BCAS3: variants seen among roughly 807,000 people sequenced by gnomAD.
The protein encoded by BCAS3 is BCAS3 microtubule associated cell migration factor.
BCAS3 carries 53 observed loss-of-function variants against 116.1 expected under a neutral mutation model. That is an observed-to-expected ratio of 0.46 (90% CI 0.37 to 0.57). BCAS3 has a LOEUF of 0.57. Ranked by LOEUF, BCAS3 falls within the 20% of genes least tolerant of loss-of-function variation. The pLI is 0.00. For synonymous variants in BCAS3, 391 were observed against 408.2 expected (o/e 0.96, Z 0.51); for missense variants, 917 against 1,165.4 (o/e 0.79, Z 3.10).
intron 6 of BCAS3, among the ~76,000 whole-genome samples, chr17:60,758,873 A>G (rs186983742): frequency 6.6e-6 from 1 of 152,144 alleles, no homozygotes; most frequent in African/African-American, 2.4e-5. Context: ...TTCTTCATTG[A>G]CCCAGTGGTT....
chr17:60,766,266 C>T (rs2044084288), intron 6 of BCAS3, among the ~76,000 whole-genome samples: 2 of 152,150 alleles, frequency 1.3e-5, no homozygotes, highest in Non-Finnish European at 2.9e-5. Context: ...GGAGAAGAAG[C>T]GCTCTGGTTT....
intron 13 of BCAS3, among the ~76,000 whole-genome samples, chr17:60,940,393 G>A (rs1482280530): frequency 6.6e-6 from 1 of 152,208 alleles, no homozygotes; most frequent in African/African-American, 2.4e-5. Flanking sequence ...TTTGTAAGTA[G>A]CTTAAAAAAT....
At chr17:60,753,530 C>T (rs1341957253) in intron 6 of BCAS3, among the ~76,000 whole-genome samples, 1 of 151,906 alleles carries the variant, frequency 6.6e-6, no homozygotes, top group African/African-American at 2.4e-5. Context: ...CTGCCTCAAC[C>T]TCCCGAGTAG....
intron 5 of BCAS3, among the ~76,000 whole-genome samples, chr17:60,711,932 C>G (rs1020794304): frequency 6.6e-6 from 1 of 151,948 alleles, no homozygotes; most frequent in Non-Finnish European, 1.5e-5. Context: ...GAGGCCAAGG[C>G]AGGCAGATCA....
chr17:60,780,554 T>C (rs1412969949), intron 6 of BCAS3, among the ~76,000 whole-genome samples: 48 of 151,170 alleles, frequency 3.2e-4, no homozygotes, highest in Non-Finnish European at 6.6e-4. Context: ...CCACCTGCCT[T>C]AGCCCCCCAA....
chr17:60,854,729 A>G (rs970439666), intron 7 of BCAS3, among the ~76,000 whole-genome samples: 9 of 152,108 alleles, frequency 5.9e-5, no homozygotes, highest in African/African-American at 2.2e-4. Flanking sequence ...AAATAGGAAC[A>G]CTTTTACACT....
At chr17:60,733,727 G>T (rs1411001841) in intron 5 of BCAS3, among the ~76,000 whole-genome samples, 1 of 151,992 alleles carries the variant, frequency 6.6e-6, no homozygotes, top group East Asian at 1.9e-4. Context: ...TGTACCCGTG[G>T]TCCCAGCTAC....
At chr17:60,773,336 G>A (rs1274468022) in intron 6 of BCAS3, among the ~76,000 whole-genome samples, 1 of 145,694 alleles carries the variant, frequency 6.9e-6, no homozygotes, top group African/African-American at 2.6e-5. Flanking sequence ...CTGTCACCAG[G>A]GCTGAAATGC....
rs1173585079 is a variant in BCAS3 at position 61,041,393 on chromosome 17, C to G, written c.2029+501C>G. Among the ~76,000 whole-genome samples the G allele has an allele frequency of 6.6e-6, 1 of 152,098 alleles. No homozygotes were observed. Among genetic ancestry groups the G allele is most frequent in the Non-Finnish European group, 1.5e-5 (1 of 68,004 alleles). ...TTGTTTGTTTACTTATATGTTTAAG[C>G]GTGAGCATTTGTAGAGACTGAACCA... is the stretch of plus-strand genomic sequence containing the variant. On this transcript the variant is annotated intron_variant, in intron 19 of 23. Transcript: ENST00000407086. The surrounding 1 kb of genome is among the most constrained non-coding windows in gnomAD (Gnocchi z 4.7).
chr17:60,810,359 TG>T, intron 7 of BCAS3: 2 of 444,264 alleles, frequency 4.5e-6, no homozygotes. Flanking sequence ...GGCCTGGTTG[TG>T]GGGATGGCGG....
intron 5 of BCAS3, among the ~76,000 whole-genome samples, chr17:60,738,815 G>A (rs2041233688): frequency 6.6e-6 from 1 of 152,094 alleles, no homozygotes; most frequent in Non-Finnish European, 1.5e-5. Flanking sequence ...CAGTGCAGTG[G>A]CATGAACATA....
At chr17:61,125,468 A>G (rs1020093770) in intron 22 of BCAS3, among the ~76,000 whole-genome samples, 4 of 152,230 alleles carry the variant, frequency 2.6e-5, no homozygotes, top group African/African-American at 7.2e-5. Context: ...GCTATAAACT[A>G]TAAAAAGTTC....
rs1305049169 is a variant in BCAS3 at position 61,315,750 on chromosome 17, CT to C, written c.2426-52576del. Among the ~76,000 whole-genome samples, 4 of 152,160 alleles carry C rather than the reference CT, an allele frequency of 2.6e-5. No homozygotes were observed. The highest frequency in any genetic ancestry group is 9.6e-5 in the African/African-American group (4 of 41,452). ...CTGGTACTGGTCCCTGAGATGTCCC[CT>C]GACATGCCCCTCACCCAGCACCTCT... On this transcript the variant is annotated intron_variant, in intron 22 of 23. Transcript: ENST00000407086. The surrounding 1 kb of genome is among the most constrained non-coding windows in gnomAD (Gnocchi z 5.3).
chr17:61,081,051 C>T (rs1013319816), intron 21 of BCAS3, among the ~76,000 whole-genome samples: 1 of 152,112 alleles, frequency 6.6e-6, no homozygotes. Flanking sequence ...ATCAGGGAGT[C>T]AATTCTTTGC....
chr17:60,783,404 C>G lies in BCAS3; in HGVS notation c.404-24600C>G, dbSNP rs191201687. 1.7e-3 allele frequency among the ~76,000 whole-genome samples: 266 copies of G among 152,200 alleles called. 9 individuals are homozygous for G. The highest frequency in any genetic ancestry group is 0.017 in the Admixed American group (265 of 15,278). ...ATTTTGTATAGAGATGGGGTTTCGTCATGTTGCCCAGGCTGGTCTCAAACT... is the reference window on the plus strand; with the variant it reads ...ATTTTGTATAGAGATGGGGTTTCGTGATGTTGCCCAGGCTGGTCTCAAACT... On this transcript the variant is annotated intron_variant, in intron 6 of 23. Coordinates refer to ENST00000407086, the MANE Select transcript of BCAS3 (RefSeq NM_017679.5).
intron 5 of BCAS3, among the ~76,000 whole-genome samples, chr17:60,721,132 G>A (rs2039195170): frequency 6.6e-6 from 1 of 152,118 alleles, no homozygotes. Flanking sequence ...GCCATGTTAA[G>A]ATTGTTAGCC....
intron 22 of BCAS3, among the ~76,000 whole-genome samples, chr17:61,318,110 C>T (rs76183366): frequency 0.015 from 2,240 of 152,266 alleles, 54 homozygotes; most frequent in African/African-American, 0.05. Flanking sequence ...TGCCGCTCCT[C>T]GGCTCCTCCC....
chr17:61,292,403 C>T (rs914405032), intron 22 of BCAS3, among the ~76,000 whole-genome samples: 1 of 152,038 alleles, frequency 6.6e-6, no homozygotes, highest in African/African-American at 2.4e-5. Context: ...GTAATCCTAG[C>T]ACTTTGGGAG....
intron 22 of BCAS3, among the ~76,000 whole-genome samples, chr17:61,225,900 T>C (rs2082346172): frequency 6.6e-6 from 1 of 152,214 alleles, no homozygotes; most frequent in African/African-American, 2.4e-5. Context: ...GCTTCGTTAT[T>C]GGTGATTATT....
Sources: allele counts gnomAD v4.1 joint callset (sites outside exome capture counted in the v4.1 genomes callset), GRCh38; gene constraint gnomAD v4.1.1; non-coding constraint Gnocchi (gnomAD v3.1); transcripts MANE v1.5; gene names NCBI Gene and HGNC (gene_info 2026-07-23, HGNC 2026-07-21).